The following FAM178B variants were observed in gnomAD, a reference collection of about 807,000 sequenced individuals.
FAM178B encodes the protein family with sequence similarity 178 member B.
A neutral mutation model predicts 91.7 loss-of-function variants in FAM178B; 82 were observed. The observed-to-expected ratio is 0.89, with a 90% CI of 0.75 to 1.07. The LOEUF (loss-of-function observed/expected upper bound fraction) is 1.07, where lower values mean the gene tolerates loss of function less well. FAM178B is among the 50% of genes least tolerant of loss of function. The probability of loss-of-function intolerance (pLI) is 0.00; values close to 1 mark genes in which losing one functional copy is unlikely to be tolerated. For missense variants in FAM178B, 769 were observed against 846.7 expected, an observed-to-expected ratio of 0.91 and a Z score of 1.14; for synonymous variants, 368 against 359.4, an observed-to-expected ratio of 1.02 and a Z score of -0.27.
At chr2:96,969,646 A>T (rs2082190598) in intron 4 of FAM178B, among the ~76,000 whole-genome samples, 1 of 152,236 alleles carries the variant, frequency 6.6e-6, no homozygotes, top group African/African-American at 2.4e-5. Flanking sequence ...TACTAAATGT[A>T]CATCACCATG....
chr2:96,959,035 C>T (rs369322476), intron 6 of FAM178B, among the ~76,000 whole-genome samples: 1 of 151,598 alleles, frequency 6.6e-6, no homozygotes, highest in African/African-American at 2.4e-5. Flanking sequence ...CCCGTCTCTA[C>T]TAAAAATACA....
At chr2:96,948,174 A>C (rs567885348) in intron 7 of FAM178B, among the ~76,000 whole-genome samples, 3 of 151,732 alleles carry the variant, frequency 2.0e-5, no homozygotes, top group South Asian at 4.2e-4. Flanking sequence ...GAAACCTCCT[A>C]CTCCGTCCAC....
At chr2:96,978,865 T>G (rs1270749369) in intron 1 of FAM178B, among the ~76,000 whole-genome samples, 1 of 151,630 alleles carries the variant, frequency 6.6e-6, no homozygotes, top group Non-Finnish European at 1.5e-5. Flanking sequence ...GACCTCGTGA[T>G]CCGCCCGCCT....
At chr2:96,916,048 CGAT>C (rs1423029493) in intron 12 of FAM178B, among the ~76,000 whole-genome samples, 1 of 152,138 alleles carries the variant, frequency 6.6e-6, no homozygotes, top group African/African-American at 2.4e-5. Flanking sequence ...AGAACTGAAT[CGAT>C]GGTGGGGCAC....
chr2:96,888,006 G>A (rs1366910994), intron 14 of FAM178B, among the ~76,000 whole-genome samples: 2 of 152,162 alleles, frequency 1.3e-5, no homozygotes, highest in African/African-American at 4.8e-5. Context: ...CTTCAAGCCT[G>A]CTCGTACACT....
Position 96,906,738 on chromosome 2 carries a change from G to A in FAM178B, c.1563-4031C>T, listed in dbSNP as rs952851959. On this transcript the variant is annotated intron_variant, in intron 12 of 16. Transcript: ENST00000490605. Reference sequence around the variant, plus strand: ...CCCCAAGCTTCAGGTTCTCCCCCACGCACAGGCCTTCGCCTCCCTGTCAGA... The same window carrying A: ...CCCCAAGCTTCAGGTTCTCCCCCACACACAGGCCTTCGCCTCCCTGTCAGA... 5.3e-5 allele frequency among the ~76,000 whole-genome samples: 8 copies of A among 152,268 alleles called. No homozygotes were observed. The East Asian group carries it at 5.8e-4, about 11-fold the overall frequency.
At chr2:96,901,211 C>T (rs6751815) in intron 13 of FAM178B, among the ~76,000 whole-genome samples, 17,371 of 148,552 alleles carry the variant, frequency 0.12, 1,118 homozygotes, top group Middle Eastern at 0.22. Context: ...CTTGCCCTGT[C>T]GCCCAGGCTG....
intron 8 of FAM178B, among the ~76,000 whole-genome samples, chr2:96,938,513 TACACCCAGCTCCACAG>T (rs752848081): frequency 7.3e-4 from 111 of 152,126 alleles, no homozygotes; most frequent in Non-Finnish European, 1.5e-3. Context: ...GCTTCTCTGG[TACACCCAGCTCCACAG>T]CTGACTGGCC....
intron 9 of FAM178B, among the ~76,000 whole-genome samples, chr2:96,926,533 G>C (rs2081441969): frequency 6.6e-6 from 1 of 152,130 alleles, no homozygotes; most frequent in East Asian, 1.9e-4. Context: ...TTGCAGCGTG[G>C]GCATGAGCCC....
intron 14 of FAM178B, 22 bp downstream of exon 14, chr2:96,893,904 C>A: frequency 6.2e-7 from 1 of 1,605,520 alleles, no homozygotes; most frequent in Admixed American, 1.7e-5. Flanking sequence ...TGGAGGCAGG[C>A]GGGTGCTGGG....
intron 13 of FAM178B, chr2:96,897,909 C>G: frequency 1.0e-6 from 1 of 978,692 alleles, no homozygotes; most frequent in Non-Finnish European, 1.2e-6. Flanking sequence ...TGAGCCTCCA[C>G]TTGCCTGTGT....
intron 7 of FAM178B, chr2:96,949,937 C>T (rs563051929): frequency 1.0e-6 from 1 of 972,732 alleles, no homozygotes; most frequent in Non-Finnish European, 1.2e-6. Flanking sequence ...TGTAGCGACA[C>T]AGGAGTAGGT....
intron 4 of FAM178B, among the ~76,000 whole-genome samples, chr2:96,968,622 T>C (rs2082177346): frequency 6.6e-6 from 1 of 152,032 alleles, no homozygotes; most frequent in Non-Finnish European, 1.5e-5. Context: ...CAATGACCCA[T>C]GTCTACCAGC....
intron 14 of FAM178B, among the ~76,000 whole-genome samples, chr2:96,882,682 A>G (rs950897614): frequency 5.9e-5 from 9 of 152,180 alleles, no homozygotes; most frequent in Admixed American, 1.3e-4. Flanking sequence ...TATACGCCAG[A>G]GGGAGGCCCT....
chr2:96,925,096 T>C (rs1333744783), intron 9 of FAM178B, among the ~76,000 whole-genome samples: 1 of 152,098 alleles, frequency 6.6e-6, no homozygotes, highest in Non-Finnish European at 1.5e-5. Context: ...AGGCTGGGCC[T>C]GCGCCAGTAC....
At chr2:96,910,383 C>G (rs1429325872) in intron 12 of FAM178B, among the ~76,000 whole-genome samples, 1 of 152,222 alleles carries the variant, frequency 6.6e-6, no homozygotes. Flanking sequence ...CTCCCACACT[C>G]TCTTAGGCTT....
intron 1 of FAM178B, among the ~76,000 whole-genome samples, chr2:96,974,993 A>T (rs559361107): frequency 8.1e-5 from 12 of 147,912 alleles, no homozygotes. Context: ...CGGGAGACTG[A>T]GGCAGGAGAA....
chr2:96,957,327 AG>A (rs1196007760), intron 6 of FAM178B, among the ~76,000 whole-genome samples: 3 of 152,340 alleles, frequency 2.0e-5, no homozygotes, highest in African/African-American at 7.2e-5. Context: ...GGTGACCTCC[AG>A]GAAGTGGGCC....
At chr2:96,949,012 G>A (rs927800237) in intron 7 of FAM178B, among the ~76,000 whole-genome samples, 4 of 152,134 alleles carry the variant, frequency 2.6e-5, no homozygotes, top group Non-Finnish European at 4.4e-5. Context: ...TTCTCCTCCT[G>A]TTGTAACTTC....
Sources: gnomAD v4.1 joint callset for allele counts (sites outside exome capture counted in the v4.1 genomes callset) on GRCh38, gnomAD v4.1.1 for gene constraint, MANE v1.5 for transcripts, NCBI Gene and HGNC (gene_info 2026-07-23, HGNC 2026-07-21) for gene names.